The following NDST4 variants were observed in gnomAD, a reference collection of about 807,000 sequenced individuals.
NDST4 encodes the protein N-deacetylase and N-sulfotransferase 4.
A neutral mutation model predicts 100.8 loss-of-function variants in NDST4; 63 were observed. The ratio of observed to expected loss-of-function variants is 0.62; its 90% CI spans 0.51 to 0.77. The LOEUF (loss-of-function observed/expected upper bound fraction) is 0.77. Ranked by LOEUF, NDST4 falls within the 30% of genes least tolerant of loss-of-function variation. The pLI is 0.00. For missense variants in NDST4, 943 were observed against 1,018.4 expected (o/e 0.93, Z 1.01); for synonymous variants, 377 against 361.8 (o/e 1.04, Z -0.48).
chr4:114,996,801 T>C (rs1727175109), intron 2 of NDST4, among the ~76,000 whole-genome samples: 1 of 152,168 alleles, frequency 6.6e-6, no homozygotes, highest in South Asian at 2.1e-4. Flanking sequence ...AATGTACTTC[T>C]TTTCATGCAG....
At chr4:114,844,834 C>A (rs181755626) in intron 10 of NDST4, among the ~76,000 whole-genome samples, 2 of 152,240 alleles carry the variant, frequency 1.3e-5, no homozygotes, top group East Asian at 3.9e-4. Context: ...AAACATTTGT[C>A]CATCCTTTTG....
intron 2 of NDST4, among the ~76,000 whole-genome samples, chr4:115,023,574 C>T (rs1424052446): frequency 6.6e-6 from 1 of 150,982 alleles, no homozygotes; most frequent in Non-Finnish European, 1.5e-5. Flanking sequence ...TAATAAATCA[C>T]ATACAGTAAG....
chr4:115,038,948 C>T (rs1213719416), intron 2 of NDST4, among the ~76,000 whole-genome samples: 5 of 152,048 alleles, frequency 3.3e-5, no homozygotes, highest in African/African-American at 1.2e-4. Flanking sequence ...CCATTGTACT[C>T]CAGCCTGAGT....
At chr4:114,935,838 T>G (rs2126225535) in intron 5 of NDST4, among the ~76,000 whole-genome samples, 1 of 152,316 alleles carries the variant, frequency 6.6e-6, no homozygotes. Context: ...GTCAAATTAT[T>G]TAGTGATTAC....
chr4:115,112,703 G>T (rs1388810713), intron 1 of NDST4, among the ~76,000 whole-genome samples: 1 of 151,752 alleles, frequency 6.6e-6, no homozygotes, highest in Non-Finnish European at 1.5e-5. Context: ...ATATTGAAAA[G>T]AATGAGTAAA....
At chr4:114,881,419 T>C (rs544586783) in intron 6 of NDST4, among the ~76,000 whole-genome samples, 132 of 152,196 alleles carry the variant, frequency 8.7e-4, no homozygotes, top group South Asian at 2.9e-3. Flanking sequence ...GGATAGATAC[T>C]GGAGCAATTT....
At chr4:114,919,356 C>T (rs1342143121) in intron 6 of NDST4, among the ~76,000 whole-genome samples, 1 of 152,092 alleles carries the variant, frequency 6.6e-6, no homozygotes, top group Non-Finnish European at 1.5e-5. Context: ...AAAAATAAGA[C>T]AAGTTAGTGA....
intron 4 of NDST4, among the ~76,000 whole-genome samples, chr4:114,950,311 A>C (rs1725962671): frequency 6.6e-6 from 1 of 152,012 alleles, no homozygotes; most frequent in South Asian, 2.1e-4. Context: ...TTGGAAATAA[A>C]ATTTTATTGT....
At chr4:115,026,508 T>C (rs1727988321) in intron 2 of NDST4, among the ~76,000 whole-genome samples, 1 of 152,036 alleles carries the variant, frequency 6.6e-6, no homozygotes, top group South Asian at 2.1e-4. Flanking sequence ...CATGTATTTA[T>C]GTATGTGTAT....
At chr4:114,923,140 C>T (rs2126219846) in intron 6 of NDST4, among the ~76,000 whole-genome samples, 1 of 152,288 alleles carries the variant, frequency 6.6e-6, no homozygotes, top group Non-Finnish European at 1.5e-5. Context: ...CATTATTTAG[C>T]ATTTACATAC....
chr4:114,829,807 G>T lies in NDST4; in HGVS notation c.2482C>A (p.Pro828Thr). 1.2e-6 allele frequency: 2 copies of T among 1,610,354 alleles called. No individual in the cohort carries two copies. Among genetic ancestry groups the T allele is most frequent in the Non-Finnish European group, 1.7e-6 (2 of 1,178,930 alleles). The change falls in exon 13 of 14, where the codon CCA becomes ACA. Residue 828 changes from proline to threonine, a missense_variant. Physicochemically the swap from Pro to Thr is conservative, Grantham distance 38. Coordinates refer to ENST00000264363, the MANE Select transcript of NDST4 (RefSeq NM_022569.3). ...CLGKSKGRKYPPMDPESRTFL... is the reference protein window; with the variant it reads ...CLGKSKGRKYTPMDPESRTFL... ...ATTATTACCTCTGGATCCATAGGTG[G>T]ATATTTTCGGCCTTTGCTTTTTCCA...
intron 2 of NDST4, among the ~76,000 whole-genome samples, chr4:115,040,341 G>A (rs562988691): frequency 1.2e-3 from 184 of 147,564 alleles, no homozygotes; most frequent in African/African-American, 4.5e-3. Flanking sequence ...ACATCCATAC[G>A]AGATACATCT....
chr4:114,941,489 C>T (rs1487549792), intron 4 of NDST4, among the ~76,000 whole-genome samples: 1 of 152,120 alleles, frequency 6.6e-6, no homozygotes, highest in Non-Finnish European at 1.5e-5. Flanking sequence ...TCCTCTGCAG[C>T]TATCATTTTT....
chr4:114,966,227 G>A (rs1726379489), intron 4 of NDST4, among the ~76,000 whole-genome samples: 1 of 151,866 alleles, frequency 6.6e-6, no homozygotes, highest in African/African-American at 2.4e-5. Context: ...GCATACATTG[G>A]TGCTCATGGA....
chr4:114,935,526 G>A (rs1398463771), intron 5 of NDST4, among the ~76,000 whole-genome samples, 192 bp from the exon 6 acceptor site: 11 of 145,750 alleles, frequency 7.5e-5, no homozygotes, highest in Non-Finnish European at 1.6e-4. Flanking sequence ...CCATATCAAA[G>A]GCATAAAAAA....
intron 1 of NDST4, among the ~76,000 whole-genome samples, chr4:115,102,374 T>G (rs2110343555): frequency 6.6e-6 from 1 of 152,272 alleles, no homozygotes; most frequent in African/African-American, 2.4e-5. Context: ...AGAAAAATGA[T>G]TTTGCCTAAT....
chr4:114,858,862 C>T (rs145100666), intron 7 of NDST4, among the ~76,000 whole-genome samples: 118 of 152,314 alleles, frequency 7.7e-4, no homozygotes, highest in African/African-American at 2.3e-3. Context: ...AGCTAAAACT[C>T]CTACCTGGTC....
chr4:114,952,115 T>A (rs17047508), intron 4 of NDST4, among the ~76,000 whole-genome samples: 3,680 of 152,160 alleles, frequency 0.024, 143 homozygotes, highest in African/African-American at 0.08. Context: ...GACTACAGAA[T>A]GATCAAGTAA....
chr4:114,936,515 A>T (rs1725631883), intron 5 of NDST4, among the ~76,000 whole-genome samples: 1 of 152,216 alleles, frequency 6.6e-6, no homozygotes, highest in South Asian at 2.1e-4. Flanking sequence ...GTAAATATTC[A>T]AATGAGTAAG....
Sources: allele counts gnomAD v4.1 joint callset (sites outside exome capture counted in the v4.1 genomes callset), GRCh38; gene constraint gnomAD v4.1.1; transcripts MANE v1.5; gene names NCBI Gene and HGNC (gene_info 2026-07-23, HGNC 2026-07-21).